IGF2R: variants seen among roughly 807,000 people sequenced by gnomAD.
IGF2R encodes the protein insulin like growth factor 2 receptor.
Under a neutral mutation model 270.6 loss-of-function variants are expected in IGF2R, and 91 were observed. The ratio of observed to expected loss-of-function variants is 0.34; its 90% confidence interval spans 0.28 to 0.40. The LOEUF is 0.40. IGF2R is among the 10% of genes least tolerant of loss of function. The pLI, the probability that IGF2R is intolerant of heterozygous loss-of-function variation, is 1.00. For missense variants in IGF2R, 2,805 were observed against 3,188.3 expected (o/e 0.88, Z 2.90); for synonymous variants, 1,316 against 1,258.9 (o/e 1.05, Z -0.96).
At chr6:159,996,838 A>T (rs2115188138) in intron 2 of IGF2R, among the ~76,000 whole-genome samples, 1 of 152,298 alleles carries the variant, frequency 6.6e-6, no homozygotes, top group South Asian at 2.1e-4. Context: ...GGGTCCGTGT[A>T]GAGAGGGTGA....
At chr6:160,068,146 G>A (rs1309615360) in intron 29 of IGF2R, 103 bp from the exon 30 acceptor site, 1 of 1,329,844 alleles carries the variant, frequency 7.5e-7, no homozygotes, top group African/African-American at 1.5e-5. Flanking sequence ...AGTTCTGTCA[G>A]GCTTAGACTA....
At chr6:160,019,728 G>T (rs1400138125) in intron 4 of IGF2R, among the ~76,000 whole-genome samples, 1 of 152,072 alleles carries the variant, frequency 6.6e-6, no homozygotes, top group East Asian at 1.9e-4. Flanking sequence ...CATCTCAGGA[G>T]ATACAGAAAA....
chr6:160,100,156 T>C (rs1052371750), intron 45 of IGF2R, among the ~76,000 whole-genome samples: 51 of 152,126 alleles, frequency 3.4e-4, no homozygotes, highest in African/African-American at 1.2e-3. Context: ...AATCTAAATA[T>C]ATCTATAATC....
intron 1 of IGF2R, among the ~76,000 whole-genome samples, chr6:159,980,836 G>A (rs552198326): frequency 1.1e-4 from 16 of 152,324 alleles, no homozygotes; most frequent in African/African-American, 3.8e-4. Flanking sequence ...CTTAAAGGCG[G>A]TTGGCCTCAG....
At chr6:160,078,756 C>T (rs1253671509) in intron 37 of IGF2R, among the ~76,000 whole-genome samples, 1 of 152,150 alleles carries the variant, frequency 6.6e-6, no homozygotes, top group Non-Finnish European at 1.5e-5. Context: ...TTCCTCCAAC[C>T]TGGTTGAAGA....
chr6:160,046,141 G>A (rs546667622), intron 14 of IGF2R, among the ~76,000 whole-genome samples: 50 of 152,274 alleles, frequency 3.3e-4, no homozygotes, highest in East Asian at 3.9e-4. Context: ...AAAGGCTTTC[G>A]TGTGAATTCT....
At chr6:160,030,010 G>C (rs768132495) in intron 7 of IGF2R, among the ~76,000 whole-genome samples, 10 of 152,090 alleles carry the variant, frequency 6.6e-5, no homozygotes, top group Non-Finnish European at 1.5e-4. Flanking sequence ...GTGGAAAAAC[G>C]AAGTAGAATT....
intron 11 of IGF2R, among the ~76,000 whole-genome samples, chr6:160,042,740 G>A (rs1045206210): frequency 6.6e-6 from 1 of 152,178 alleles, no homozygotes; most frequent in African/African-American, 2.4e-5. Context: ...GGGGCCGAGC[G>A]GGGTGTATTA....
chr6:160,022,527 G>A (rs569950782), intron 4 of IGF2R, among the ~76,000 whole-genome samples: 1 of 152,178 alleles, frequency 6.6e-6, no homozygotes, highest in Non-Finnish European at 1.5e-5. Context: ...TTAAAACCAA[G>A]TAAGGATGGA....
At chr6:159,971,048 C>G (rs540791101) in intron 1 of IGF2R, among the ~76,000 whole-genome samples, 38 of 152,274 alleles carry the variant, frequency 2.5e-4, no homozygotes, top group African/African-American at 7.9e-4. Context: ...GAGTTGCACT[C>G]TAGTCTGGGC....
chr6:160,094,354 A>G (rs1779299461), intron 44 of IGF2R: 1 of 235,826 alleles, frequency 4.2e-6, no homozygotes, highest in Non-Finnish European at 8.5e-6. Flanking sequence ...CACTGGATGT[A>G]GACTGCACCT....
chr6:160,022,688 A>C (rs1287358960), intron 4 of IGF2R, among the ~76,000 whole-genome samples: 2 of 152,212 alleles, frequency 1.3e-5, no homozygotes, highest in African/African-American at 4.8e-5. Flanking sequence ...AGTGGGGGGA[A>C]AATGACAAAA....
At chr6:159,987,873 A>G (rs1783912410) in intron 1 of IGF2R, among the ~76,000 whole-genome samples, 1 of 152,122 alleles carries the variant, frequency 6.6e-6, no homozygotes, top group Non-Finnish European at 1.5e-5. Flanking sequence ...GATGGGTTTG[A>G]ATGGCATTGA....
chr6:160,064,401 G>T lies in IGF2R; in HGVS notation c.3887G>T (p.Gly1296Val). 6.2e-7 allele frequency: 1 copy of T among 1,614,110 alleles called. No individual in the cohort carries two copies. Among genetic ancestry groups the T allele is most frequent in the African/African-American group, 1.3e-5 (1 of 75,006 alleles). ...REPQGFHKVA[G>V]LLTQKLTYEN... ...TGTTTAATGTTCTCCTTCTTTACAG[G>T]TCTCCTGACTCAGAAGCTAACTTAT... Residue 1296 changes from glycine (G) to valine (V), a missense_variant and splice_region_variant, in exon 28 of 48, where the codon GGT (glycine) becomes GTT (valine). Physicochemically the swap from Gly to Val is moderately radical, Grantham distance 109. Around this residue, in one of 2 missense-constraint regions of IGF2R, gnomAD observed 1,851 missense variants for 2,207.2 expected, o/e 0.84. Coordinates refer to ENST00000356956, the MANE Select transcript of IGF2R (RefSeq NM_000876.4).
rs8191699 is a variant in IGF2R at position 159,982,161 on chromosome 6, C to T, written c.150-9023C>T. ...AGCAAGTTGTTGACGACAGTGGTTA[C>T]CTTAGGCTCTTGACATTCTGCTCCC... is the stretch of plus-strand genomic sequence containing the variant. On this transcript the variant is annotated intron_variant, in intron 1 of 47. Transcript: ENST00000356956. Among the ~76,000 whole-genome samples, 1,220 of 152,284 alleles carry T rather than the reference C, an allele frequency of 8.0e-3. 15 individuals carry two copies. Among genetic ancestry groups the T allele is most frequent in the African/African-American group, 0.024 (1,011 of 41,540 alleles).
At position 160,096,453 on chromosome 6, in the gene IGF2R, G is replaced by T. The variant is rs1458789977; in HGVS notation, c.6670G>T (p.Val2224Phe). The T allele has an allele frequency of 6.2e-7, 1 of 1,610,906 alleles. No homozygotes were observed. Among genetic ancestry groups the T allele is most frequent in the South Asian group, 1.1e-5 (1 of 90,378 alleles). Residue 2224 changes from valine (V) to phenylalanine (F), a missense_variant, in exon 45 of 48, where the codon GTC becomes TTC. Val to Phe is a conservative substitution (Grantham distance 50). This residue lies in a region of IGF2R where 1,851 missense variants were observed against 2,207.2 expected (regional missense o/e 0.84). Transcript: ENST00000356956. ...KYYLQDGDLD[V>F]VFASSSKCGK... ...CCGTTTGACAGACGGCGATCTCGAT[G>T]TCGTGTTTGCCTCTTCCTCTAAGTG... is the stretch of plus-strand genomic sequence containing the variant.
At chr6:159,982,218 T>C (rs562057034) in intron 1 of IGF2R, among the ~76,000 whole-genome samples, 1 of 152,212 alleles carries the variant, frequency 6.6e-6, no homozygotes, top group Non-Finnish European at 1.5e-5. Context: ...GCCTCCTTGC[T>C]CCTCTTCCTT....
At chr6:160,059,751 T>C (rs942085629) in intron 22 of IGF2R, among the ~76,000 whole-genome samples, 3 of 152,248 alleles carry the variant, frequency 2.0e-5, no homozygotes, top group Non-Finnish European at 4.4e-5. Context: ...CTTGGCCCGC[T>C]GGCCTCCCTG....
intron 26 of IGF2R, 121 bp downstream of exon 26, chr6:160,062,740 TA>T: frequency 3.2e-6 from 2 of 630,850 alleles, no homozygotes; most frequent in Non-Finnish European, 5.5e-6. Context: ...AGACACACGC[TA>T]GGGGGAGGAT....
Sources: gnomAD v4.1 joint callset for allele counts (sites outside exome capture counted in the v4.1 genomes callset) on GRCh38, gnomAD v4.1.1 for gene constraint, gnomAD v4.1.1 regional missense constraint, MANE v1.5 for transcripts, NCBI Gene and HGNC (gene_info 2026-07-23, HGNC 2026-07-21) for gene names.